The following ADCYAP1R1 variants were observed in gnomAD, a reference collection of about 807,000 sequenced individuals.
ADCYAP1R1 encodes pituitary adenylate cyclase-activating polypeptide type I receptor.
A neutral mutation model predicts 67.6 loss-of-function variants in ADCYAP1R1; 44 were observed. The observed-to-expected ratio is 0.65, with a 90% CI of 0.51 to 0.84. The LOEUF is 0.84. ADCYAP1R1 is among the 40% of genes least tolerant of loss of function. The pLI is 0.00. For synonymous variants in ADCYAP1R1, 222 were observed against 219.6 expected, an observed-to-expected ratio of 1.01 and a Z score of -0.10; for missense variants, 477 against 587.9, an observed-to-expected ratio of 0.81 and a Z score of 1.95.
At chr7:31,054,206 G>C (rs531359986) in intron 1 of ADCYAP1R1, among the ~76,000 whole-genome samples, 2 of 152,162 alleles carry the variant, frequency 1.3e-5, no homozygotes, top group Non-Finnish European at 2.9e-5. Context: ...GTGGGGTGAC[G>C]ATGGAGGCGG....
At chr7:31,064,777 C>A (rs1794662444) in intron 2 of ADCYAP1R1, 54 bp from the exon 3 acceptor site, 2 of 1,440,316 alleles carry the variant, frequency 1.4e-6, no homozygotes, top group Admixed American at 3.8e-5. Context: ...GGTAGGAGAG[C>A]TTACAGATGG....
intron 1 of ADCYAP1R1, among the ~76,000 whole-genome samples, chr7:31,053,136 T>G (rs1210029056): frequency 4.6e-5 from 7 of 151,346 alleles, no homozygotes; most frequent in African/African-American, 1.7e-4. Flanking sequence ...CCCCCGGGGC[T>G]AGGTACCGCA....
rs186680471 is a variant in ADCYAP1R1, at chr7:31,092,116, C to T, written c.955-528C>T. 1.2e-3 allele frequency among the ~76,000 whole-genome samples: 184 copies of T among 147,912 alleles called. 1 individual carries two copies. The highest frequency in any genetic ancestry group is 4.4e-3 in the African/African-American group (175 of 40,102). ...TTCTATTTCTTTGCTTCCCTTCCTC[C>T]TCCTTTGTGACCGTTCACATAGCTT... On this transcript the variant is annotated intron_variant, in intron 12 of 15. Coordinates refer to ENST00000304166, the MANE Select transcript of ADCYAP1R1 (RefSeq NM_001118.5).
chr7:31,056,465 C>G (rs1027983341), intron 1 of ADCYAP1R1, among the ~76,000 whole-genome samples: 1 of 152,124 alleles, frequency 6.6e-6, no homozygotes, highest in East Asian at 1.9e-4. Flanking sequence ...TGTAGTGAAC[C>G]AGGTCCTGCC....
intron 13 of ADCYAP1R1, among the ~76,000 whole-genome samples, chr7:31,095,907 G>A (rs1489922212): frequency 2.6e-5 from 4 of 152,184 alleles, no homozygotes; most frequent in East Asian, 1.9e-4. Context: ...GATGCTCCTG[G>A]TAGGATGAGT....
Position 31,086,710 on chromosome 7 carries a change from A to G in ADCYAP1R1, c.823+173A>G, listed in dbSNP as rs1233538656. Among the ~76,000 whole-genome samples the G allele has an allele frequency of 6.6e-6, 1 of 152,172 alleles. No homozygotes were observed. Among genetic ancestry groups the G allele is most frequent in the Non-Finnish European group, 1.5e-5 (1 of 68,026 alleles). ...TTTCTCAATCTTCTTGCCTGTGGAA[A>G]GCCCACTATCTCAGGGAGGAGTTAA... On this transcript the variant is annotated intron_variant, in intron 10 of 15. Coordinates refer to ENST00000304166, the MANE Select transcript of ADCYAP1R1 (RefSeq NM_001118.5). The surrounding 1 kb of genome is among the most constrained non-coding windows in gnomAD (Gnocchi z 5.0).
At chr7:31,105,441 C>A (rs926393385) in intron 15 of ADCYAP1R1, among the ~76,000 whole-genome samples, 1 of 152,218 alleles carries the variant, frequency 6.6e-6, no homozygotes, top group Non-Finnish European at 1.5e-5. Context: ...AGACCTGGAA[C>A]CTTCTATTAA....
intron 1 of ADCYAP1R1, among the ~76,000 whole-genome samples, chr7:31,053,043 C>T (rs990005197): frequency 6.6e-6 from 1 of 152,172 alleles, no homozygotes; most frequent in Admixed American, 6.5e-5. Context: ...GCCATGCGGC[C>T]GGAGGGACCC....
intron 1 of ADCYAP1R1, among the ~76,000 whole-genome samples, chr7:31,055,330 T>C (rs763750454): frequency 9.7e-5 from 5 of 51,592 alleles, no homozygotes; most frequent in Admixed American, 7.3e-4. Flanking sequence ...TGGAGGAAAG[T>C]GTGTGTGTGT....
chr7:31,109,493 C>T lies in ADCYAP1R1; in HGVS notation c.*2809C>T, dbSNP rs1796774226. 1 of 152,194 alleles carries T rather than the reference C, an allele frequency of 6.6e-6. No individual in the cohort carries two copies. The highest frequency in any genetic ancestry group is 1.5e-5 in the Non-Finnish European group (1 of 68,054). 9.4% of individuals were successfully genotyped at this position (152,194 alleles called of 1,614,324 possible). ...CCTGGGCCAGGAAAGGATAAGAAAT[C>T]CTGTCATGTGAAGACAGCTTGAGAG... On this transcript the variant is annotated 3_prime_UTR_variant, in exon 16 of 16. Transcript: ENST00000304166.
At position 31,089,282 on chromosome 7, in the gene ADCYAP1R1, A is replaced by G. The variant is rs550733882; in HGVS notation, c.954+1586A>G. Among the ~76,000 whole-genome samples the G allele has an allele frequency of 2.4e-4, 36 of 152,204 alleles. 1 individual carries two copies. The South Asian group carries it at 7.5e-3, about 32-fold the overall frequency. ...GATTTTCTAGGTGGAAAATTATATA[A>G]TCTTCAAATGAAAATAAATTTTGCT... On this transcript the variant is annotated intron_variant, in intron 12 of 15. Transcript: ENST00000304166.
chr7:31,086,598 G>A lies in ADCYAP1R1; in HGVS notation c.823+61G>A, dbSNP rs1394602557. 1.8e-5 allele frequency: 28 copies of A among 1,595,292 alleles called. No individual in the cohort carries two copies. The highest frequency in any genetic ancestry group is 2.7e-5 in the African/African-American group (2 of 74,482). On this transcript the variant is annotated intron_variant, in intron 10 of 15. Coordinates refer to ENST00000304166, the MANE Select transcript of ADCYAP1R1 (RefSeq NM_001118.5). This position sits in a 1 kb window ranked among gnomAD's most constrained non-coding sequence, Gnocchi z 5.0. ...CCCGTGGTCAGGTGTGTCCAGGTGTGTCTTTGGTTCCATCTTCAGGAAGTG... is the reference window on the plus strand; with the variant it reads ...CCCGTGGTCAGGTGTGTCCAGGTGTATCTTTGGTTCCATCTTCAGGAAGTG...
intron 5 of ADCYAP1R1, 70 bp from the exon 6 acceptor site, chr7:31,081,643 G>T: frequency 7.5e-7 from 1 of 1,326,352 alleles, no homozygotes; most frequent in South Asian, 1.5e-5. Flanking sequence ...GAGCCTTCCA[G>T]GGTGGAGAGT....
chr7:31,096,301 C>T (rs1466421281), intron 13 of ADCYAP1R1, among the ~76,000 whole-genome samples: 1 of 152,130 alleles, frequency 6.6e-6, no homozygotes, highest in Non-Finnish European at 1.5e-5. Flanking sequence ...GGGGAGGATG[C>T]ACACATCTCT....
intron 1 of ADCYAP1R1, among the ~76,000 whole-genome samples, chr7:31,061,706 G>T (rs576078442): frequency 2.0e-5 from 3 of 152,258 alleles, no homozygotes; most frequent in Admixed American, 6.5e-5. Flanking sequence ...TCTGCTTTTT[G>T]GATGCCTGCT....
At chr7:31,100,248 G>C in intron 13 of ADCYAP1R1, 1 of 1,541,324 alleles carries the variant, frequency 6.5e-7, no homozygotes, top group East Asian at 2.4e-5. Context: ...CGGGAATCCT[G>C]GAGGGGTGGG....
chr7:31,075,143 A>G (rs1195587160), intron 3 of ADCYAP1R1, among the ~76,000 whole-genome samples: 3 of 152,108 alleles, frequency 2.0e-5, no homozygotes, highest in South Asian at 4.2e-4. Context: ...GCCCCAGGCC[A>G]TCTCACCTTG....
In ADCYAP1R1 at chr7:31,063,105, A is replaced by G. The variant is rs371961495; in HGVS notation, c.-71-89A>G. The stretch of plus-strand genomic sequence containing the variant: ...CCTTGGAGGCTGAGAGCCGTGCTGC[A>G]GGGAGCTGGGGGAATAAGGAAGGGA... On this transcript the variant is annotated intron_variant, in intron 1 of 15. Coordinates refer to ENST00000304166, the MANE Select transcript of ADCYAP1R1 (RefSeq NM_001118.5). 9.6e-5 allele frequency: 70 copies of G among 732,492 alleles called. No individual in the cohort carries two copies. In the African/African-American group the frequency reaches 1.2e-3, roughly 12 times the overall value. 45.4% of individuals were successfully genotyped at this position (732,492 alleles called of 1,614,324 possible).
At chr7:31,081,393 T>A (rs1282360812) in intron 5 of ADCYAP1R1, among the ~76,000 whole-genome samples, 1 of 152,150 alleles carries the variant, frequency 6.6e-6, no homozygotes, top group Admixed American at 6.5e-5. Context: ...CCATCCCTTT[T>A]CATTTTCTCC....
Sources: gnomAD v4.1 joint callset for allele counts (sites outside exome capture counted in the v4.1 genomes callset) on GRCh38, gnomAD v4.1.1 for gene constraint, Gnocchi (gnomAD v3.1) non-coding constraint, MANE v1.5 for transcripts, NCBI Gene and HGNC (gene_info 2026-07-23, HGNC 2026-07-21) for gene names.